The following TSPAN5 variants were observed in gnomAD, a reference collection of about 807,000 sequenced individuals.
TSPAN5 encodes the protein tetraspanin 5.
TSPAN5 carries 10 observed loss-of-function variants against 37.1 expected under a neutral mutation model. That is an observed-to-expected ratio of 0.27 (90% CI 0.17 to 0.46). TSPAN5 has a LOEUF of 0.46. TSPAN5 is among the 20% of genes least tolerant of loss of function. The pLI is 1.00. For synonymous variants in TSPAN5, 110 were observed against 118.9 expected, an observed-to-expected ratio of 0.93 and a Z score of 0.48; for missense variants, 195 against 326.6, an observed-to-expected ratio of 0.60 and a Z score of 3.11.
At chr4:98,519,414 C>G (rs1489234470) in intron 1 of TSPAN5, among the ~76,000 whole-genome samples, 1 of 152,056 alleles carries the variant, frequency 6.6e-6, no homozygotes, top group Non-Finnish European at 1.5e-5. Context: ...GGGAGGATCG[C>G]TTGAGCCCAG....
chr4:98,637,258 G>A lies in TSPAN5; in HGVS notation c.81+20888C>T, dbSNP rs545289998. Among the ~76,000 whole-genome samples, 6 of 152,250 alleles carry A rather than the reference G, an allele frequency of 3.9e-5. No individual in the cohort carries two copies. The East Asian group carries it at 1.2e-3, about 29-fold the overall frequency. On this transcript the variant is annotated intron_variant, in intron 1 of 7. Coordinates refer to ENST00000305798, the MANE Select transcript of TSPAN5 (RefSeq NM_005723.4). ...ACTGCACAACTCCAGGGAGCATCAC[G>A]CACATTCCAGGGAATTGTGCAGTTC...
At position 98,528,643 on chromosome 4, in the gene TSPAN5, C is replaced by T. The variant is rs1000916678; in HGVS notation, c.82-20915G>A. 1.4e-4 allele frequency among the ~76,000 whole-genome samples: 21 copies of T among 152,154 alleles called. 1 individual carries two copies. The highest frequency in any genetic ancestry group is 2.2e-4 in the Non-Finnish European group (15 of 68,030). ...ACTTAACCCAGGTGTCACAATAACT[C>T]TACAAAGCTCTCTTACTAACTTGAA... On this transcript the variant is annotated intron_variant, in intron 1 of 7. Coordinates refer to ENST00000305798, the MANE Select transcript of TSPAN5 (RefSeq NM_005723.4).
rs183598661 is a variant in TSPAN5 at position 98,488,663 on chromosome 4, G to C, written c.133-1779C>G. ...GCAGTGAACTATGAATATTTACTCC[G>C]GGGGAAAAGGTTGAAGGAAAACAGA... is the stretch of plus-strand genomic sequence containing the variant. On this transcript the variant is annotated intron_variant, in intron 2 of 7. Transcript: ENST00000305798. Among the ~76,000 whole-genome samples the C allele has an allele frequency of 1.9e-3, 290 of 152,172 alleles. 3 individuals carry two copies. Among genetic ancestry groups the C allele is most frequent in the African/African-American group, 6.7e-3 (279 of 41,524 alleles).
intron 3 of TSPAN5, chr4:98,484,740 T>A: frequency 2.8e-6 from 1 of 362,756 alleles, no homozygotes; most frequent in South Asian, 2.2e-5. Context: ...GCAAGGTGGA[T>A]CACTTGAGGT....
At chr4:98,585,104 A>C (rs1274611851) in intron 1 of TSPAN5, among the ~76,000 whole-genome samples, 1 of 152,226 alleles carries the variant, frequency 6.6e-6, no homozygotes, top group Non-Finnish European at 1.5e-5. Flanking sequence ...ATCTGCAGTC[A>C]AAAAACCTAA....
chr4:98,506,461 AGAAG>A (rs1753479000), intron 2 of TSPAN5, among the ~76,000 whole-genome samples: 1 of 152,256 alleles, frequency 6.6e-6, no homozygotes, highest in Non-Finnish European at 1.5e-5. Context: ...TACATTCTGT[AGAAG>A]AATTTTGTAA....
At chr4:98,493,403 C>A (rs1224386519) in intron 2 of TSPAN5, among the ~76,000 whole-genome samples, 2 of 152,276 alleles carry the variant, frequency 1.3e-5, no homozygotes, top group African/African-American at 4.8e-5. Flanking sequence ...TCCCATGAAG[C>A]TGAACCTAAC....
intron 1 of TSPAN5, among the ~76,000 whole-genome samples, chr4:98,653,140 A>C (rs1196754690): frequency 2.6e-5 from 4 of 152,340 alleles, no homozygotes; most frequent in Admixed American, 1.3e-4. Context: ...AAGCTAACAG[A>C]TGTCTAGCAA....
intron 1 of TSPAN5, among the ~76,000 whole-genome samples, chr4:98,570,236 T>C (rs957802986): frequency 4.6e-5 from 7 of 152,048 alleles, no homozygotes; most frequent in African/African-American, 1.5e-4. Context: ...AAAAAACAAA[T>C]AGCAAGAGGA....
chr4:98,588,717 C>G (rs561876438), intron 1 of TSPAN5, among the ~76,000 whole-genome samples: 3 of 152,332 alleles, frequency 2.0e-5, no homozygotes, highest in African/African-American at 7.2e-5. Context: ...GCATATTTAT[C>G]TGTCCTAAAA....
chr4:98,478,661 A>G, intron 5 of TSPAN5, 24 bp downstream of exon 5: 1 of 1,614,138 alleles, frequency 6.2e-7, no homozygotes, highest in Non-Finnish European at 8.5e-7. Context: ...AGAGTAGGCC[A>G]ATAGTTCGCT....
chr4:98,526,566 T>C (rs1180717619), intron 1 of TSPAN5, among the ~76,000 whole-genome samples: 1 of 152,068 alleles, frequency 6.6e-6, no homozygotes, highest in South Asian at 2.1e-4. Context: ...CATCTCACCA[T>C]AGAGATAAGT....
At chr4:98,609,130 GA>G (rs371663084) in intron 1 of TSPAN5, among the ~76,000 whole-genome samples, 90 of 151,720 alleles carry the variant, frequency 5.9e-4, no homozygotes, top group South Asian at 2.3e-3. Flanking sequence ...AAAATGAAAA[GA>G]AAAAAAACCC....
chr4:98,525,871 T>C (rs1753949860), intron 1 of TSPAN5, among the ~76,000 whole-genome samples: 1 of 152,238 alleles, frequency 6.6e-6, no homozygotes, highest in Non-Finnish European at 1.5e-5. Context: ...TCCAAATAGA[T>C]GATCTTAAGT....
intron 1 of TSPAN5, among the ~76,000 whole-genome samples, chr4:98,532,570 T>A (rs923135929): frequency 1.3e-5 from 2 of 151,718 alleles, no homozygotes; most frequent in Non-Finnish European, 2.9e-5. Context: ...AAGTTGCTTA[T>A]CAACTTAAGG....
intron 1 of TSPAN5, among the ~76,000 whole-genome samples, chr4:98,567,933 C>T (rs1218449722): frequency 1.6e-5 from 1 of 63,604 alleles, no homozygotes; most frequent in Non-Finnish European, 2.8e-5. Context: ...CTTCTCTAGC[C>T]TCTTTGAGTT....
chr4:98,488,570 G>A (rs1412384100), intron 2 of TSPAN5, among the ~76,000 whole-genome samples: 3 of 152,172 alleles, frequency 2.0e-5, no homozygotes, highest in African/African-American at 7.2e-5. Flanking sequence ...ATCAAAGAAG[G>A]CAACCACACC....
intron 1 of TSPAN5, among the ~76,000 whole-genome samples, chr4:98,515,363 G>A (rs1039860805): frequency 1.3e-5 from 2 of 152,150 alleles, no homozygotes; most frequent in African/African-American, 4.8e-5. Context: ...GGCAAGTATT[G>A]TCATTAATAT....
At chr4:98,554,526 T>A (rs1276743151) in intron 1 of TSPAN5, among the ~76,000 whole-genome samples, 4 of 152,224 alleles carry the variant, frequency 2.6e-5, no homozygotes, top group African/African-American at 9.6e-5. Flanking sequence ...TTGTACACAA[T>A]CATCATTAAA....
Sources: gnomAD v4.1 joint callset for allele counts (sites outside exome capture counted in the v4.1 genomes callset) on GRCh38, gnomAD v4.1.1 for gene constraint, MANE v1.5 for transcripts, NCBI Gene and HGNC (gene_info 2026-07-23, HGNC 2026-07-21) for gene names.